CHRM2: variants seen among roughly 807,000 people sequenced by gnomAD.
The protein encoded by CHRM2 is muscarinic acetylcholine receptor M2.
CHRM2 carries 8 observed loss-of-function variants against 25.0 expected under a neutral mutation model. The ratio of observed to expected loss-of-function variants is 0.32; its 90% CI spans 0.19 to 0.58. The LOEUF is 0.58. Ranked by LOEUF, CHRM2 falls within the 20% of genes least tolerant of loss-of-function variation. The pLI is 0.88. For missense variants in CHRM2, 440 were observed against 567.1 expected, an observed-to-expected ratio of 0.78 and a Z score of 2.28; for synonymous variants, 202 against 205.7, an observed-to-expected ratio of 0.98 and a Z score of 0.15.
At chr7:136,946,565 A>G (rs1800086665) in intron 2 of CHRM2, among the ~76,000 whole-genome samples, 1 of 152,042 alleles carries the variant, frequency 6.6e-6, no homozygotes. Flanking sequence ...AGTGGGAAAA[A>G]CTCATATTTT....
intron 2 of CHRM2, among the ~76,000 whole-genome samples, chr7:136,924,781 A>C (rs1798648633): frequency 6.6e-6 from 1 of 152,110 alleles, no homozygotes; most frequent in African/African-American, 2.4e-5. Context: ...AGGCAGCCCC[A>C]ATTGTCATGA....
chr7:137,014,781 T>G, intron 3 of CHRM2, 39 bp from the exon 4 acceptor site: 1 of 1,202,346 alleles, frequency 8.3e-7, no homozygotes, highest in Non-Finnish European at 1.2e-6. Context: ...AAACCAATGT[T>G]TATATTATGT....
intron 2 of CHRM2, among the ~76,000 whole-genome samples, chr7:136,975,571 A>T (rs1262647446): frequency 2.8e-4 from 43 of 152,210 alleles, no homozygotes; most frequent in Non-Finnish European, 5.9e-5. Context: ...ACATAACAAA[A>T]CCCAATGATA....
At chr7:136,893,974 C>T (rs1410919777) in intron 2 of CHRM2, among the ~76,000 whole-genome samples, 1 of 152,158 alleles carries the variant, frequency 6.6e-6, no homozygotes, top group Admixed American at 6.5e-5. Context: ...TAGCTTTATG[C>T]TTCCTCTTCT....
At chr7:136,894,233 T>C (rs1403492730) in intron 2 of CHRM2, among the ~76,000 whole-genome samples, 2 of 152,182 alleles carry the variant, frequency 1.3e-5, no homozygotes, top group Non-Finnish European at 2.9e-5. Context: ...TGAGAAATCA[T>C]CACTATCATA....
chr7:136,938,542 A>G, intron 2 of CHRM2: 2 of 923,358 alleles, frequency 2.2e-6, no homozygotes, highest in East Asian at 4.8e-5. Context: ...CCGTGACTGC[A>G]GTGATCCCTC....
intron 2 of CHRM2, among the ~76,000 whole-genome samples, chr7:136,968,385 G>A (rs952465444): frequency 6.7e-6 from 1 of 149,000 alleles, no homozygotes; most frequent in Non-Finnish European, 1.5e-5. Flanking sequence ...AACAACTACT[G>A]CTGAGGGTGT....
chr7:136,894,510 T>A (rs1319392107), intron 2 of CHRM2, among the ~76,000 whole-genome samples: 1 of 152,064 alleles, frequency 6.6e-6, no homozygotes, highest in Non-Finnish European at 1.5e-5. Context: ...TAGGTGAGAT[T>A]ACAGACACAT....
Position 136,889,799 on chromosome 7 carries a change from C to G in CHRM2, c.-125+20381C>G, listed in dbSNP as rs774124179. On this transcript the variant is annotated intron_variant, in intron 2 of 3. Transcript: ENST00000680005. The stretch of plus-strand genomic sequence containing the variant: ...ATTTGGTTTGTTTAGCTATTGCGGA[C>G]TGTTGCGGGAATGTTGTTTTTTTCT... 4.6e-5 allele frequency among the ~76,000 whole-genome samples: 7 copies of G among 152,266 alleles called. No individual in the cohort carries two copies. In the South Asian group the frequency reaches 1.5e-3, roughly 32 times the overall value.
rs189068100 is a variant in CHRM2, at chr7:136,998,299, T to C, written c.-47+6035T>C. ...ATATTGAAGGTGGGAGGATTGAAGA[T>C]AGTGACAAAGAAAACCACAGCTGAC... On this transcript the variant is annotated intron_variant, in intron 3 of 3. Transcript: ENST00000680005. 4.0e-5 allele frequency among the ~76,000 whole-genome samples: 6 copies of C among 149,754 alleles called. No homozygotes were observed. The Admixed American group carries it at 4.0e-4, about 10-fold the overall frequency.
chr7:136,968,752 T>G (rs1801579746), intron 2 of CHRM2, among the ~76,000 whole-genome samples: 1 of 138,744 alleles, frequency 7.2e-6, no homozygotes, highest in South Asian at 2.2e-4. Context: ...ATACAGACAA[T>G]AAATCACTAT....
chr7:136,941,099 A>G (rs1028829356), intron 2 of CHRM2, among the ~76,000 whole-genome samples: 1 of 152,138 alleles, frequency 6.6e-6, no homozygotes, highest in Admixed American at 6.5e-5. Context: ...TCTTATCTGA[A>G]CTTCATACCA....
intron 3 of CHRM2, among the ~76,000 whole-genome samples, chr7:137,001,798 T>C (rs1217966422): frequency 6.6e-6 from 1 of 152,170 alleles, no homozygotes; most frequent in Non-Finnish European, 1.5e-5. Flanking sequence ...TGTGGAATAA[T>C]ATTTCCAGAT....
chr7:136,907,508 C>A (rs1797619801), intron 2 of CHRM2, among the ~76,000 whole-genome samples: 3 of 151,882 alleles, frequency 2.0e-5, no homozygotes, highest in Non-Finnish European at 4.4e-5. Context: ...CAGGAATGTT[C>A]TAGTTAGTTC....
At position 136,889,422 on chromosome 7, in the gene CHRM2, A is replaced by C. The variant is rs78144736; in HGVS notation, c.-125+20004A>C. 6.1e-3 allele frequency among the ~76,000 whole-genome samples: 929 copies of C among 152,234 alleles called. 8 individuals are homozygous for C. Among genetic ancestry groups the C allele is most frequent in the Non-Finnish European group, 0.011 (747 of 68,014 alleles). ...TATTGATCCCTCTACAATCTGGGTG[A>C]GGTGGGCATTATTACTGATATCCAA... On this transcript the variant is annotated intron_variant, in intron 2 of 3. Transcript: ENST00000680005.
intron 2 of CHRM2, among the ~76,000 whole-genome samples, chr7:136,950,181 T>A (rs1800322528): frequency 6.6e-6 from 1 of 152,200 alleles, no homozygotes; most frequent in Non-Finnish European, 1.5e-5. Context: ...GGATTTTTGC[T>A]CATTTTTCTA....
chr7:137,008,736 G>A (rs975592927), intron 3 of CHRM2, among the ~76,000 whole-genome samples: 1 of 152,016 alleles, frequency 6.6e-6, no homozygotes, highest in Non-Finnish European at 1.5e-5. Context: ...TAAACATTAG[G>A]TGAATTCCTC....
At chr7:136,907,415 C>G (rs941966715) in intron 2 of CHRM2, among the ~76,000 whole-genome samples, 1 of 151,970 alleles carries the variant, frequency 6.6e-6, no homozygotes, top group Non-Finnish European at 1.5e-5. Context: ...AAGCTGAGAA[C>G]TCATCACTCA....
intron 2 of CHRM2, chr7:136,938,200 G>C (rs1799532780): frequency 5.3e-6 from 4 of 754,886 alleles, no homozygotes; most frequent in Non-Finnish European, 4.8e-6. Context: ...CGCACAGCAG[G>C]TTACTTCTCA....
Sources: gnomAD v4.1 joint callset for allele counts (sites outside exome capture counted in the v4.1 genomes callset) on GRCh38, gnomAD v4.1.1 for gene constraint, MANE v1.5 for transcripts, NCBI Gene and HGNC (gene_info 2026-07-23, HGNC 2026-07-21) for gene names.